The following SH3BP5 variants were observed in gnomAD, a reference collection of about 807,000 sequenced individuals.
The protein encoded by SH3BP5 is SH3 domain binding protein 5.
A neutral mutation model predicts 43.3 loss-of-function variants in SH3BP5; 22 were observed. That is an observed-to-expected ratio of 0.51 (90% CI 0.36 to 0.73). The LOEUF is 0.73. Among genes scored for constraint, SH3BP5 ranks in the 30% least tolerant of loss-of-function variants. SH3BP5 has a pLI of 0.00. For synonymous variants in SH3BP5, 255 were observed against 225.8 expected (o/e 1.13, Z -1.16); for missense variants, 529 against 586.9 (o/e 0.90, Z 1.02).
chr3:15,320,731 C>T (rs1395218961), intron 2 of SH3BP5, among the ~76,000 whole-genome samples: 1 of 152,064 alleles, frequency 6.6e-6, no homozygotes, highest in African/African-American at 2.4e-5. Context: ...GACCACATCT[C>T]TGTCAACCTG....
chr3:15,305,416 GCGTGGCCCTGTCTCCAGGGCACTTA>G (rs1017416455), intron 2 of SH3BP5, among the ~76,000 whole-genome samples: 1 of 152,228 alleles, frequency 6.6e-6, no homozygotes, highest in Non-Finnish European at 1.5e-5. Flanking sequence ...TGGGCCTTGG[GCGTGGCCCTGTCTCCAGGGCACTTA>G]CAGCCTGGTG....
intron 3 of SH3BP5, among the ~76,000 whole-genome samples, chr3:15,302,304 G>A (rs766919243): frequency 5.3e-5 from 8 of 152,240 alleles, no homozygotes; most frequent in South Asian, 2.1e-4. Context: ...TTCTTCTCCC[G>A]GGAATTCTAG....
In SH3BP5 at chr3:15,265,512, T is replaced by TCTCACTCACACACA. The variant is rs1318765546; in HGVS notation, c.496-3224_496-3223insTGTGTGTGAGTGAG. Among the ~76,000 whole-genome samples the TCTCACTCACACACA allele has an allele frequency of 3.1e-3, 338 of 107,990 alleles. 7 individuals are homozygous for TCTCACTCACACACA. Among genetic ancestry groups the TCTCACTCACACACA allele is most frequent in the African/African-American group, 0.012 (293 of 24,120 alleles). The allele number at this position is 107,990 out of a possible 152,430, so 70.8% of individuals were successfully genotyped here. On this transcript the variant is annotated intron_variant, in intron 4 of 8. Coordinates refer to ENST00000383791, the MANE Select transcript of SH3BP5 (RefSeq NM_004844.5). ...GCCTGAGCTACAGGGCGAGACTCCG[T>TCTCACTCACACACA]CACACACACACACACACACACACAC...
In SH3BP5 at chr3:15,332,316, C is replaced by T; in HGVS notation, c.93G>A (p.Met31Ile). The change falls in exon 1 of 9, where the codon ATG (methionine) becomes ATA (isoleucine). Residue 31 changes from methionine (M) to isoleucine (I), a missense_variant. Physicochemically the swap from Met to Ile is conservative, Grantham distance 10. Transcript: ENST00000383791. ...CTTCTTCCTCCTCCAGCCCCTGCTCCATCCCCTCTTCCTCCTCCTCCTCCT... is the reference window on the plus strand; with the variant it reads ...CTTCTTCCTCCTCCAGCCCCTGCTCTATCCCCTCTTCCTCCTCCTCCTCCT... ...RDEEEEEEEG[M>I]EQGLEEEEEV... 6.5e-7 allele frequency: 1 copy of T among 1,547,502 alleles called. No homozygotes were observed. The highest frequency in any genetic ancestry group is 8.7e-7 in the Non-Finnish European group (1 of 1,149,192).
intron 3 of SH3BP5, among the ~76,000 whole-genome samples, chr3:15,295,230 G>A (rs1049592477): frequency 7.2e-5 from 11 of 152,120 alleles, no homozygotes; most frequent in Admixed American, 1.3e-4. Context: ...CACAGCTTCC[G>A]TATTTGTGAA....
At chr3:15,270,148 G>A (rs1696759310) in intron 3 of SH3BP5, among the ~76,000 whole-genome samples, 1 of 152,164 alleles carries the variant, frequency 6.6e-6, no homozygotes, top group South Asian at 2.1e-4. Flanking sequence ...ACCTGACATG[G>A]CAAACCAGCC....
intron 3 of SH3BP5, among the ~76,000 whole-genome samples, chr3:15,289,297 GA>G (rs1358247541): frequency 6.6e-6 from 1 of 152,202 alleles, no homozygotes; most frequent in Non-Finnish European, 1.5e-5. Context: ...TTCTAGCAAT[GA>G]ATGGAAAATG....
At chr3:15,324,495 G>C (rs1403897612) in intron 2 of SH3BP5, among the ~76,000 whole-genome samples, 1 of 152,242 alleles carries the variant, frequency 6.6e-6, no homozygotes, top group South Asian at 2.1e-4. Context: ...GTACAAGAAG[G>C]TCAGGGGTGT....
intron 2 of SH3BP5, among the ~76,000 whole-genome samples, chr3:15,325,221 GAGAC>G (rs1449452735): frequency 2.0e-5 from 3 of 152,246 alleles, no homozygotes; most frequent in Admixed American, 2.0e-4. Context: ...CATTTGAAAA[GAGAC>G]AGACCTATAA....
chr3:15,316,318 G>A (rs1212234789), intron 2 of SH3BP5, among the ~76,000 whole-genome samples: 5 of 131,974 alleles, frequency 3.8e-5, no homozygotes, highest in African/African-American at 8.6e-5. Context: ...TCCGCCTCCC[G>A]GGTTCAAGTG....
intron 2 of SH3BP5, among the ~76,000 whole-genome samples, chr3:15,321,312 C>G (rs902926156): frequency 6.6e-6 from 1 of 152,070 alleles, no homozygotes; most frequent in Admixed American, 6.6e-5. Context: ...GTAGAAGATC[C>G]TAAAGTGCCT....
intron 2 of SH3BP5, among the ~76,000 whole-genome samples, chr3:15,320,796 A>G (rs1698307591): frequency 6.6e-6 from 1 of 152,208 alleles, no homozygotes; most frequent in African/African-American, 2.4e-5. Flanking sequence ...ATCAACCCCC[A>G]TAGCCTGTCT....
intron 3 of SH3BP5, among the ~76,000 whole-genome samples, chr3:15,299,974 G>T (rs939777210): frequency 2.6e-5 from 4 of 151,934 alleles, no homozygotes; most frequent in Non-Finnish European, 5.9e-5. Flanking sequence ...ATAACTTTTT[G>T]CTCTCAACCA....
At chr3:15,339,185 A>T (rs1216326601) in intron 1 of SH3BP5, among the ~76,000 whole-genome samples, 1 of 152,172 alleles carries the variant, frequency 6.6e-6, no homozygotes, top group Non-Finnish European at 1.5e-5. Context: ...TAATTTAGCG[A>T]TTCAGTGACA....
chr3:15,330,107 C>G (rs1276728720), intron 2 of SH3BP5, among the ~76,000 whole-genome samples: 2 of 152,262 alleles, frequency 1.3e-5, no homozygotes. Context: ...GGAAACAACA[C>G]AACACTCTCC....
At chr3:15,276,413 A>G (rs1470289763) in intron 3 of SH3BP5, among the ~76,000 whole-genome samples, 1 of 152,194 alleles carries the variant, frequency 6.6e-6, no homozygotes, top group Non-Finnish European at 1.5e-5. Flanking sequence ...CCTGACCCCT[A>G]GTCTGGAGCT....
intron 3 of SH3BP5, among the ~76,000 whole-genome samples, chr3:15,273,573 T>A (rs1276753428): frequency 6.6e-6 from 1 of 152,162 alleles, no homozygotes; most frequent in Non-Finnish European, 1.5e-5. Context: ...TGAGGCCTCA[T>A]TCCACATTTA....
chr3:15,305,795 C>G (rs138649792), intron 2 of SH3BP5, among the ~76,000 whole-genome samples: 1 of 152,142 alleles, frequency 6.6e-6, no homozygotes, highest in African/African-American at 2.4e-5. Context: ...GCGACAGCAA[C>G]TAGCAACTTG....
intron 2 of SH3BP5, among the ~76,000 whole-genome samples, chr3:15,309,721 T>C (rs1344232421): frequency 6.6e-6 from 1 of 152,150 alleles, no homozygotes; most frequent in Non-Finnish European, 1.5e-5. Context: ...TGTGACTATC[T>C]GTACTAAGTG....
Sources: allele counts gnomAD v4.1 joint callset (sites outside exome capture counted in the v4.1 genomes callset), GRCh38; gene constraint gnomAD v4.1.1; transcripts MANE v1.5; gene names NCBI Gene and HGNC (gene_info 2026-07-23, HGNC 2026-07-21).